The following TXNDC5 variants were observed in gnomAD, a reference collection of about 807,000 sequenced individuals.
TXNDC5 encodes the protein thioredoxin domain-containing protein 5.
Under a neutral mutation model 52.6 loss-of-function variants are expected in TXNDC5, and 44 were observed. The ratio of observed to expected loss-of-function variants is 0.84; its 90% CI spans 0.66 to 1.08. The LOEUF is 1.08. TXNDC5 is among the 50% of genes least tolerant of loss of function. The pLI, the probability that TXNDC5 is intolerant of heterozygous loss-of-function variation, is 0.00. For missense variants in TXNDC5, 600 were observed against 565.5 expected (o/e 1.06, Z -0.62); for synonymous variants, 241 against 234.4 (o/e 1.03, Z -0.26).
chr6:7,891,177 T>C (rs1760177477), intron 5 of TXNDC5, among the ~76,000 whole-genome samples: 1 of 152,118 alleles, frequency 6.6e-6, no homozygotes, highest in Admixed American at 6.5e-5. Context: ...AAGTAGGAAA[T>C]GCTGGAAAGA....
chr6:7,899,345 G>A lies in TXNDC5; in HGVS notation c.519+231C>T, dbSNP rs140450771. ...GGTAACTGCTGAAACTCAGGGTTTA[G>A]CCTTCTCTTGACTTTTGTGCACATT... On this transcript the variant is annotated intron_variant, in intron 3 of 9. Coordinates refer to ENST00000379757, the MANE Select transcript of TXNDC5 (RefSeq NM_030810.5). 1.1e-3 allele frequency among the ~76,000 whole-genome samples: 165 copies of A among 152,342 alleles called. 1 individual carries two copies. The highest frequency in any genetic ancestry group is 3.8e-3 in the African/African-American group (156 of 41,580).
At chr6:7,901,141 C>CA (rs1169375814) in intron 2 of TXNDC5, among the ~76,000 whole-genome samples, 1 of 152,206 alleles carries the variant, frequency 6.6e-6, no homozygotes, top group East Asian at 1.9e-4. Context: ...CTCATAACCA[C>CA]AAAAAACAGC....
At chr6:7,883,315 T>A in intron 9 of TXNDC5, 49 bp from the exon 10 acceptor site, 1 of 1,611,344 alleles carries the variant, frequency 6.2e-7, no homozygotes, top group Non-Finnish European at 8.5e-7. Flanking sequence ...CCAGATCACA[T>A]GCAAATTGCT....
At chr6:7,910,374 C>T (rs1283028283) in intron 1 of TXNDC5, 140 bp downstream of exon 1, 2 of 1,060,038 alleles carry the variant, frequency 1.9e-6, no homozygotes, top group African/African-American at 1.7e-5. Context: ...GCCCCGAGCC[C>T]CGCGCCCGTA....
chr6:7,884,629 C>T lies in TXNDC5; in HGVS notation c.1047-141G>A, dbSNP rs1759896844. 8 of 1,159,482 alleles carry T rather than the reference C, an allele frequency of 6.9e-6. No homozygotes were observed. In the South Asian group the frequency reaches 9.2e-5, roughly 13 times the overall value. The allele number at this position is 1,159,482 out of a possible 1,614,324, so 71.8% of individuals were successfully genotyped here. On this transcript the variant is annotated intron_variant, in intron 8 of 9. Transcript: ENST00000379757. ...AAATTTGTAAAATACCAAATTCTCC[C>T]ACTGGGTGCACATTAACTCTTCCTC... is the stretch of plus-strand genomic sequence containing the variant.
intron 5 of TXNDC5, among the ~76,000 whole-genome samples, chr6:7,891,392 A>C (rs1044924284): frequency 6.6e-6 from 1 of 152,204 alleles, no homozygotes; most frequent in Non-Finnish European, 1.5e-5. Flanking sequence ...ATCTCTTCAA[A>C]ATAAACAAAG....
chr6:7,898,874 C>T (rs1195357124), intron 3 of TXNDC5, among the ~76,000 whole-genome samples: 1 of 152,104 alleles, frequency 6.6e-6, no homozygotes, highest in Non-Finnish European at 1.5e-5. Context: ...CTACAATCTC[C>T]TGATATTAGC....
At chr6:7,910,432 A>T in intron 1 of TXNDC5, 82 bp downstream of exon 1, 1 of 1,235,860 alleles carries the variant, frequency 8.1e-7, no homozygotes, top group Non-Finnish European at 1.0e-6. Context: ...TGGCCCCGGG[A>T]CCCCCCGCCC....
chr6:7,899,796 G>A (rs570667905), intron 2 of TXNDC5, 115 bp from the exon 3 acceptor site: 6 of 615,038 alleles, frequency 9.8e-6, no homozygotes, highest in African/African-American at 7.5e-5. Flanking sequence ...AGCCAGGCAT[G>A]TATCTGCTCC....
intron 7 of TXNDC5, among the ~76,000 whole-genome samples, chr6:7,887,711 C>G (rs1410857500): frequency 1.3e-5 from 2 of 152,158 alleles, no homozygotes; most frequent in Non-Finnish European, 2.9e-5. Flanking sequence ...GGATACAGTT[C>G]CTAATCCTTG....
chr6:7,896,900 T>A (rs1266145972), intron 3 of TXNDC5, among the ~76,000 whole-genome samples: 1 of 152,206 alleles, frequency 6.6e-6, no homozygotes, highest in Non-Finnish European at 1.5e-5. Flanking sequence ...GCTGATATGG[T>A]GCTTAAGAAA....
intron 4 of TXNDC5, among the ~76,000 whole-genome samples, chr6:7,894,088 C>T (rs1280933631): frequency 1.3e-5 from 2 of 152,130 alleles, no homozygotes; most frequent in Non-Finnish European, 2.9e-5. Context: ...TAATTTGATT[C>T]ATGTTATAAC....
chr6:7,889,455 A>C, intron 6 of TXNDC5, 40 bp downstream of exon 6: 1 of 1,570,288 alleles, frequency 6.4e-7, no homozygotes, highest in Non-Finnish European at 8.8e-7. Context: ...GATGGGGTTA[A>C]GAGATGAAGA....
chr6:7,905,324 G>A (rs376638269), intron 1 of TXNDC5, among the ~76,000 whole-genome samples: 84 of 152,056 alleles, frequency 5.5e-4, no homozygotes, highest in African/African-American at 1.0e-3. Context: ...ACTTTTATTC[G>A]TCAAGTCTCC....
intron 4 of TXNDC5, among the ~76,000 whole-genome samples, chr6:7,892,820 T>C (rs112023832): frequency 4.9e-4 from 75 of 152,216 alleles, no homozygotes; most frequent in African/African-American, 1.7e-3. Context: ...CCTTTGTAAA[T>C]TGCCCAGTCT....
In TXNDC5 at chr6:7,886,437, G is replaced by A. The variant is rs547138286; in HGVS notation, c.964-394C>T. ...TTGAGTCTGCACCTCTAAGCCTGGA[G>A]TCTCCAGGATACCCACTGAAGTCTC... is the stretch of plus-strand genomic sequence containing the variant. On this transcript the variant is annotated intron_variant, in intron 7 of 9. Coordinates refer to ENST00000379757, the MANE Select transcript of TXNDC5 (RefSeq NM_030810.5). Among the ~76,000 whole-genome samples, 19 of 152,312 alleles carry A rather than the reference G, an allele frequency of 1.2e-4. 1 individual carries two copies. The South Asian group carries it at 3.3e-3, about 27-fold the overall frequency.
intron 8 of TXNDC5, among the ~76,000 whole-genome samples, chr6:7,885,267 A>C (rs894855279): frequency 1.3e-5 from 2 of 152,246 alleles, no homozygotes; most frequent in African/African-American, 2.4e-5. Context: ...TGTTGTCCTA[A>C]CACTCTGCTT....
At position 7,883,160 on chromosome 6, in the gene TXNDC5, G is replaced by A. The variant is rs141223042; in HGVS notation, c.1283C>T (p.Ala428Val). 38 of 1,614,148 alleles carry A rather than the reference G, an allele frequency of 2.4e-5. No individual in the cohort carries two copies. In the African/African-American group the frequency reaches 3.7e-4, roughly 16 times the overall value. ...DSLHRFVLSQ[A>V]KDEL Reference sequence around the variant, plus strand: ...ACTGTGTTCCTAAAGTTCGTCTTTCGCTTGGCTCAGGACAAAGCGGTGTAA... The same window carrying A: ...ACTGTGTTCCTAAAGTTCGTCTTTCACTTGGCTCAGGACAAAGCGGTGTAA... Residue 428 changes from alanine to valine, a missense_variant, in exon 10 of 10, where the codon GCG (alanine) becomes GTG (valine). Transcript: ENST00000379757.
At chr6:7,906,512 G>C (rs1395538988) in intron 1 of TXNDC5, among the ~76,000 whole-genome samples, 2 of 135,572 alleles carry the variant, frequency 1.5e-5, no homozygotes, top group African/African-American at 2.8e-5. Flanking sequence ...CTCCAGCCTG[G>C]GCGATAGAGC....
Sources: gnomAD v4.1 joint callset for allele counts (sites outside exome capture counted in the v4.1 genomes callset) on GRCh38, gnomAD v4.1.1 for gene constraint, MANE v1.5 for transcripts, NCBI Gene and HGNC (gene_info 2026-07-23, HGNC 2026-07-21) for gene names.